The following NXPH1 variants were observed in gnomAD, a reference collection of about 807,000 sequenced individuals.
NXPH1 encodes neurexophilin 1, also known as neurexophilin-1.
Under a neutral mutation model 23.7 loss-of-function variants are expected in NXPH1, and 5 were observed. That is an observed-to-expected ratio of 0.21 (90% confidence interval 0.11 to 0.44). The LOEUF is 0.44. Ranked by LOEUF, NXPH1 falls within the 20% of genes least tolerant of loss-of-function variation. NXPH1 has a pLI of 0.99. For synonymous variants in NXPH1, 144 were observed against 122.2 expected, an observed-to-expected ratio of 1.18 and a Z score of -1.18; for missense variants, 324 against 321.6, an observed-to-expected ratio of 1.01 and a Z score of -0.06.
At position 8,442,843 on chromosome 7, in the gene NXPH1, C is replaced by T. The variant is rs1034659431; in HGVS notation, c.54+7076C>T. Among the ~76,000 whole-genome samples, 10 of 152,244 alleles carry T rather than the reference C, an allele frequency of 6.6e-5. No individual in the cohort carries two copies. Among genetic ancestry groups the T allele is most frequent in the Non-Finnish European group, 1.0e-4 (7 of 68,036 alleles). On this transcript the variant is annotated intron_variant, in intron 2 of 2. Coordinates refer to ENST00000405863, the MANE Select transcript of NXPH1 (RefSeq NM_152745.3). This position sits in a 1 kb window ranked among gnomAD's most constrained non-coding sequence, Gnocchi z 4.6. The stretch of plus-strand genomic sequence containing the variant: ...GCTGTTTCTGGGTAATTTTCGTCGA[C>T]GCCACCAAGCTTCGGTGCTTTTGGG...
intron 2 of NXPH1, among the ~76,000 whole-genome samples, chr7:8,461,571 C>T (rs188566632): frequency 1.6e-4 from 25 of 152,092 alleles, no homozygotes; most frequent in African/African-American, 5.8e-4. Context: ...TGGCTCACGC[C>T]TGTAATCCCA....
intron 2 of NXPH1, among the ~76,000 whole-genome samples, chr7:8,575,885 T>G (rs963394187): frequency 2.0e-5 from 3 of 152,248 alleles, no homozygotes; most frequent in African/African-American, 7.2e-5. Flanking sequence ...TCCCATTATT[T>G]CCTCTCTCTC....
chr7:8,599,536 G>A (rs560957565), intron 2 of NXPH1, among the ~76,000 whole-genome samples: 1 of 152,194 alleles, frequency 6.6e-6, no homozygotes, highest in African/African-American at 2.4e-5. Flanking sequence ...GCCATTTCAT[G>A]TCTTTCTGCA....
intron 2 of NXPH1, among the ~76,000 whole-genome samples, chr7:8,741,200 G>C (rs1049068882): frequency 8.5e-5 from 13 of 152,102 alleles, no homozygotes; most frequent in African/African-American, 2.7e-4. Context: ...GTTCATCCAT[G>C]CTGCTACAAA....
At chr7:8,443,021 C>CA (rs1381064148) in intron 2 of NXPH1, among the ~76,000 whole-genome samples, 2 of 152,244 alleles carry the variant, frequency 1.3e-5, no homozygotes, top group Non-Finnish European at 2.9e-5. Flanking sequence ...CTGGTGCCAG[C>CA]AGTAGGGCCT....
chr7:8,688,233 CATT>C (rs1159874362), intron 2 of NXPH1, among the ~76,000 whole-genome samples: 4 of 152,070 alleles, frequency 2.6e-5, no homozygotes, highest in Non-Finnish European at 1.5e-5. Context: ...AGGTAAGACT[CATT>C]ATTCAGAAAC....
At chr7:8,717,468 TA>T (rs1344678983) in intron 2 of NXPH1, among the ~76,000 whole-genome samples, 12 of 152,058 alleles carry the variant, frequency 7.9e-5, no homozygotes, top group East Asian at 7.7e-4. Flanking sequence ...ATGTGTGGAT[TA>T]AAAAAAACCC....
chr7:8,741,605 G>A (rs957439413), intron 2 of NXPH1, among the ~76,000 whole-genome samples: 3 of 152,094 alleles, frequency 2.0e-5, no homozygotes, highest in Non-Finnish European at 2.9e-5. Context: ...GCTGACAGGT[G>A]TGAGGTGATA....
intron 2 of NXPH1, among the ~76,000 whole-genome samples, chr7:8,572,377 AAG>A (rs201951675): frequency 0.013 from 1,957 of 152,158 alleles, 44 homozygotes; most frequent in African/African-American, 0.043. Flanking sequence ...TTTGGAGAAA[AAG>A]AAACAGAACA....
At chr7:8,719,115 T>C (rs1337445959) in intron 2 of NXPH1, among the ~76,000 whole-genome samples, 4 of 152,232 alleles carry the variant, frequency 2.6e-5, no homozygotes, top group Admixed American at 2.6e-4. Flanking sequence ...AGAAAGCATT[T>C]TGGTCCCCTT....
intron 2 of NXPH1, among the ~76,000 whole-genome samples, chr7:8,645,098 C>G (rs1351515235): frequency 1.3e-5 from 2 of 152,074 alleles, no homozygotes; most frequent in Non-Finnish European, 2.9e-5. Context: ...CTGAGTGGTT[C>G]TAAATCTTTT....
intron 2 of NXPH1, among the ~76,000 whole-genome samples, chr7:8,657,151 T>C (rs1820596956): frequency 6.6e-6 from 1 of 152,248 alleles, no homozygotes; most frequent in South Asian, 2.1e-4. Context: ...AGTGTCTGCC[T>C]GACACAGCAC....
At chr7:8,523,235 G>A (rs1020601269) in intron 2 of NXPH1, among the ~76,000 whole-genome samples, 1 of 152,166 alleles carries the variant, frequency 6.6e-6, no homozygotes, top group Non-Finnish European at 1.5e-5. Context: ...ACAGCAGAGA[G>A]CCTATTGTTA....
chr7:8,691,028 G>T (rs2115183353), intron 2 of NXPH1, among the ~76,000 whole-genome samples: 1 of 152,302 alleles, frequency 6.6e-6, no homozygotes, highest in African/African-American at 2.4e-5. Flanking sequence ...TCACTTGACT[G>T]TGAGTCTAAC....
chr7:8,737,974 C>T (rs914346243), intron 2 of NXPH1, among the ~76,000 whole-genome samples: 2 of 152,214 alleles, frequency 1.3e-5, no homozygotes, highest in African/African-American at 2.4e-5. Flanking sequence ...CTGTGTTTTT[C>T]AGCTCCATCA....
intron 2 of NXPH1, among the ~76,000 whole-genome samples, chr7:8,526,943 ATAGCT>A (rs1817870732): frequency 6.6e-6 from 1 of 152,180 alleles, no homozygotes; most frequent in African/African-American, 2.4e-5. Flanking sequence ...AGGGGCTATC[ATAGCT>A]TTTAATTCCT....
intron 2 of NXPH1, among the ~76,000 whole-genome samples, chr7:8,596,375 T>G (rs1215870770): frequency 1.3e-5 from 2 of 152,126 alleles, no homozygotes; most frequent in African/African-American, 4.8e-5. Flanking sequence ...AAGGAGTTAA[T>G]GAAGACATTT....
At chr7:8,493,426 C>A (rs992039647) in intron 2 of NXPH1, among the ~76,000 whole-genome samples, 1 of 152,014 alleles carries the variant, frequency 6.6e-6, no homozygotes, top group African/African-American at 2.4e-5. Context: ...TATGCTTTGA[C>A]TTTGCTTACT....
chr7:8,481,021 G>A (rs1240745223), intron 2 of NXPH1, among the ~76,000 whole-genome samples: 2 of 152,088 alleles, frequency 1.3e-5, no homozygotes, highest in African/African-American at 2.4e-5. Flanking sequence ...TTTGTACATC[G>A]GTGCTCAGGA....
Sources: gnomAD v4.1 joint callset for allele counts (sites outside exome capture counted in the v4.1 genomes callset) on GRCh38, gnomAD v4.1.1 for gene constraint, Gnocchi (gnomAD v3.1) non-coding constraint, MANE v1.5 for transcripts, NCBI Gene and HGNC (gene_info 2026-07-23, HGNC 2026-07-21) for gene names.